The following RBFOX1 variants were observed in gnomAD, a reference collection of about 807,000 sequenced individuals.
RBFOX1 encodes the protein RNA binding fox-1 homolog 1.
In RBFOX1, 8 loss-of-function variants were observed where a neutral mutation model predicts 57.7. That is an observed-to-expected ratio of 0.14 (90% CI 0.08 to 0.25). The LOEUF (loss-of-function observed/expected upper bound fraction) is 0.25, where lower values mean the gene tolerates loss of function less well. Among genes scored for constraint, RBFOX1 ranks in the 10% least tolerant of loss-of-function variants. The pLI is 1.00. For missense variants in RBFOX1, 611 were observed against 548.5 expected (o/e 1.11, Z -1.14); for synonymous variants, 326 against 222.4 (o/e 1.47, Z -4.15).
At chr16:6,719,032 A>C (rs1046296372) in intron 3 of RBFOX1, among the ~76,000 whole-genome samples, 1 of 151,740 alleles carries the variant, frequency 6.6e-6, no homozygotes, top group African/African-American at 2.4e-5. Flanking sequence ...TGCCTGGCTA[A>C]ATTTTTATAT....
chr16:7,493,817 G>A (rs2067717247), intron 4 of RBFOX1, among the ~76,000 whole-genome samples: 1 of 152,188 alleles, frequency 6.6e-6, no homozygotes, highest in Non-Finnish European at 1.5e-5. Flanking sequence ...AAGCCACAAT[G>A]TTTCTGGTAA....
chr16:6,866,915 A>G (rs1311708976), intron 3 of RBFOX1, among the ~76,000 whole-genome samples: 2 of 151,920 alleles, frequency 1.3e-5, no homozygotes, highest in Non-Finnish European at 2.9e-5. Flanking sequence ...AGATAAGGAA[A>G]CCAGCCCTTA....
Position 6,732,577 on chromosome 16 carries a change from C to T in RBFOX1, c.-16+77927C>T, listed in dbSNP as rs545156360. On this transcript the variant is annotated intron_variant, in intron 3 of 15. Coordinates refer to ENST00000550418, the MANE Select transcript of RBFOX1 (RefSeq NM_018723.4). ...TCCTGAATAGGCAGACTTTCCACCA[C>T]GATTAATGCACGTAGTAGGTCTGCA... Among the ~76,000 whole-genome samples, 6 of 152,312 alleles carry T rather than the reference C, an allele frequency of 3.9e-5. No homozygotes were observed. In the East Asian group the frequency reaches 9.6e-4, roughly 24 times the overall value.
At chr16:7,074,390 T>C (rs2057925126) in intron 4 of RBFOX1, among the ~76,000 whole-genome samples, 1 of 152,250 alleles carries the variant, frequency 6.6e-6, no homozygotes, top group Admixed American at 6.5e-5. Flanking sequence ...ATAATTAAAA[T>C]AATGGCAAAA....
rs928915539 is a variant in RBFOX1, at chr16:7,593,093, G to C, written c.469-2456G>C. On this transcript the variant is annotated intron_variant, in intron 7 of 15. Transcript: ENST00000550418. The stretch of plus-strand genomic sequence containing the variant: ...GCCTCCCAAACTGCTTGCATTACAG[G>C]TGTGAGCCACCATGCCTGGCCCAAA... 9.9e-5 allele frequency among the ~76,000 whole-genome samples: 15 copies of C among 152,034 alleles called. 1 individual carries two copies. The highest frequency in any genetic ancestry group is 4.6e-4 in the Admixed American group (7 of 15,266).
In RBFOX1 at chr16:6,932,546, T is replaced by C. The variant is rs117327332; in HGVS notation, c.-15-119511T>C. ...GATCTGCTTCCAAGTGTCTCACCTATATGGTAGGTGAGTTAGTGCTGGCTG... is the reference window on the plus strand; with the variant it reads ...GATCTGCTTCCAAGTGTCTCACCTACATGGTAGGTGAGTTAGTGCTGGCTG... On this transcript the variant is annotated intron_variant, in intron 3 of 15. Transcript: ENST00000550418. Among the ~76,000 whole-genome samples, 527 of 152,276 alleles carry C rather than the reference T, an allele frequency of 3.5e-3. 4 individuals are homozygous for C. Among genetic ancestry groups the C allele is most frequent in the Non-Finnish European group, 3.7e-3 (253 of 68,034 alleles).
chr16:6,159,765 G>C (rs1325506505), intron 1 of RBFOX1, among the ~76,000 whole-genome samples: 1 of 152,114 alleles, frequency 6.6e-6, no homozygotes, highest in Admixed American at 6.6e-5. Context: ...GATGTGATTT[G>C]GTTCCACCCA....
chr16:6,262,550 T>C (rs532099519), intron 1 of RBFOX1, among the ~76,000 whole-genome samples: 1 of 152,324 alleles, frequency 6.6e-6, no homozygotes, highest in East Asian at 1.9e-4. Flanking sequence ...ACTATGCGTT[T>C]GTAGTTATTT....
At chr16:6,594,487 C>T (rs1322655348) in intron 2 of RBFOX1, among the ~76,000 whole-genome samples, 2 of 152,050 alleles carry the variant, frequency 1.3e-5, no homozygotes, top group East Asian at 1.9e-4. Context: ...AAGAGGCTGC[C>T]CAGCTCTCAC....
intron 3 of RBFOX1, among the ~76,000 whole-genome samples, chr16:5,821,377 A>C (rs2055853765): frequency 7.0e-6 from 1 of 142,300 alleles, no homozygotes; most frequent in African/African-American, 2.7e-5. Flanking sequence ...CTTACGGCTC[A>C]CTGTAGCCTT....
Position 6,539,813 on chromosome 16 carries a change from A to C in RBFOX1, c.-63-114790A>C, listed in dbSNP as rs555574125. Among the ~76,000 whole-genome samples, 19 of 151,448 alleles carry C rather than the reference A, an allele frequency of 1.3e-4. 1 individual carries two copies. The highest frequency in any genetic ancestry group is 3.4e-3 in the Middle Eastern group (1 of 294). On this transcript the variant is annotated intron_variant, in intron 2 of 15. Transcript: ENST00000550418. ...GCTGCATCTCAAAACACAGACACAC[A>C]CACACACACACACACACACACACAG...
intron 4 of RBFOX1, among the ~76,000 whole-genome samples, chr16:5,974,995 C>T (rs544972923): frequency 7.2e-5 from 11 of 151,852 alleles, no homozygotes; most frequent in South Asian, 2.1e-4. Context: ...GCAACAAGAG[C>T]GAAACTCCGT....
chr16:5,488,579 G>A (rs2042722664), intron 2 of RBFOX1, among the ~76,000 whole-genome samples: 1 of 31,708 alleles, frequency 3.2e-5, no homozygotes, highest in South Asian at 1.9e-3. Context: ...TGATGATGGT[G>A]ATGATTGAAG....
intron 2 of RBFOX1, among the ~76,000 whole-genome samples, chr16:6,589,355 A>G (rs1432720518): frequency 6.6e-6 from 1 of 152,286 alleles, no homozygotes; most frequent in East Asian, 1.9e-4. Context: ...TATTACTCAA[A>G]TTAGTCTCCC....
intron 3 of RBFOX1, among the ~76,000 whole-genome samples, chr16:5,704,540 C>T (rs2051169610): frequency 6.6e-6 from 1 of 152,210 alleles, no homozygotes; most frequent in South Asian, 2.1e-4. Context: ...AATTATTCAG[C>T]AGTCACACCG....
At chr16:5,325,818 A>G (rs1248012164) in intron 1 of RBFOX1, among the ~76,000 whole-genome samples, 1 of 152,146 alleles carries the variant, frequency 6.6e-6, no homozygotes, top group Non-Finnish European at 1.5e-5. Flanking sequence ...TTGTTTATCC[A>G]TTCACCCTCT....
At chr16:6,474,411 G>A (rs141776998) in intron 2 of RBFOX1, among the ~76,000 whole-genome samples, 1 of 152,192 alleles carries the variant, frequency 6.6e-6, no homozygotes, top group East Asian at 1.9e-4. Flanking sequence ...CTTTTGAGGA[G>A]GCACTTAAAG....
At chr16:5,731,366 T>C (rs552303469) in intron 3 of RBFOX1, among the ~76,000 whole-genome samples, 3 of 152,334 alleles carry the variant, frequency 2.0e-5, no homozygotes, top group South Asian at 4.1e-4. Flanking sequence ...TCAATTCATA[T>C]TTACAAAGTA....
At chr16:7,097,737 C>T (rs572061633) in intron 4 of RBFOX1, among the ~76,000 whole-genome samples, 4 of 152,102 alleles carry the variant, frequency 2.6e-5, no homozygotes, top group Non-Finnish European at 5.9e-5. Context: ...GATGCTGAGT[C>T]AGCAGAGAGC....
Sources: gnomAD v4.1 joint callset for allele counts (sites outside exome capture counted in the v4.1 genomes callset) on GRCh38, gnomAD v4.1.1 for gene constraint, MANE v1.5 for transcripts, NCBI Gene and HGNC (gene_info 2026-07-23, HGNC 2026-07-21) for gene names.